EXOC2: variants seen among roughly 807,000 people sequenced by gnomAD.
The protein encoded by EXOC2 is SEC5-like 1.
EXOC2 carries 70 observed loss-of-function variants against 131.8 expected under a neutral mutation model. That is an observed-to-expected ratio of 0.53 (90% CI 0.44 to 0.65). EXOC2 has a LOEUF of 0.65. Ranked by LOEUF, EXOC2 falls within the 30% of genes least tolerant of loss-of-function variation. EXOC2 has a pLI of 0.00. For missense variants in EXOC2, 923 were observed against 1,108.6 expected (o/e 0.83, Z 2.38); for synonymous variants, 411 against 398.4 (o/e 1.03, Z -0.38).
At chr6:690,812 G>C (rs1347226325) in intron 1 of EXOC2, among the ~76,000 whole-genome samples, 1 of 152,178 alleles carries the variant, frequency 6.6e-6, no homozygotes, top group East Asian at 1.9e-4. Flanking sequence ...CATATGATTA[G>C]AAGTCCACAC....
intron 13 of EXOC2, among the ~76,000 whole-genome samples, chr6:572,106 G>A (rs1033334719): frequency 1.3e-5 from 2 of 152,184 alleles, no homozygotes; most frequent in African/African-American, 4.8e-5. Flanking sequence ...ATACTCTATG[G>A]ATGACTTTGT....
chr6:530,383 A>G (rs183178343), intron 23 of EXOC2, among the ~76,000 whole-genome samples: 2 of 152,350 alleles, frequency 1.3e-5, no homozygotes, highest in Admixed American at 6.5e-5. Flanking sequence ...CTATGCTAAA[A>G]ACTCTGAGAA....
At chr6:517,314 G>C (rs1765214726) in intron 23 of EXOC2, among the ~76,000 whole-genome samples, 1 of 151,998 alleles carries the variant, frequency 6.6e-6, no homozygotes, top group Admixed American at 6.6e-5. Context: ...CACCTGAAGA[G>C]ACTCCCACAA....
At chr6:625,518 C>CTTTTTT (rs796295514) in intron 4 of EXOC2, among the ~76,000 whole-genome samples, 283 of 108,018 alleles carry the variant, frequency 2.6e-3, no homozygotes, top group Non-Finnish European at 4.2e-3. Context: ...TGTTTCCGTT[C>CTTTTTT]TTTTTTTTTT....
chr6:532,459 T>C lies in EXOC2; in HGVS notation c.2380+10A>G. On this transcript the variant is annotated intron_variant, in intron 23 of 27. Coordinates refer to ENST00000230449, the MANE Select transcript of EXOC2 (RefSeq NM_018303.6). ...TCCACATCTATTACTCAAGAAACTT[T>C]ATTACTTACCTGTTGGAGGCAGGCA... 6.4e-7 allele frequency: 1 copy of C among 1,562,176 alleles called. No individual in the cohort carries two copies. The highest frequency in any genetic ancestry group is 8.6e-7 in the Non-Finnish European group (1 of 1,161,336).
intron 23 of EXOC2, among the ~76,000 whole-genome samples, chr6:503,596 A>C (rs9504133): frequency 0.02 from 2,970 of 152,296 alleles, 104 homozygotes; most frequent in African/African-American, 0.066. Flanking sequence ...ACTAAACATA[A>C]AAAAATTTAT....
At chr6:512,627 TCTG>T (rs1764919123) in intron 23 of EXOC2, among the ~76,000 whole-genome samples, 1 of 152,110 alleles carries the variant, frequency 6.6e-6, no homozygotes, top group African/African-American at 2.4e-5. Flanking sequence ...CGTACAGGGG[TCTG>T]CTGTATTTAC....
chr6:570,515 T>C (rs1449979757), intron 13 of EXOC2, among the ~76,000 whole-genome samples: 3 of 152,246 alleles, frequency 2.0e-5, no homozygotes, highest in Admixed American at 1.3e-4. Context: ...ATCAGTCTAC[T>C]ATTTTCTAAT....
chr6:672,497 AGC>A (rs1763919567), intron 1 of EXOC2, among the ~76,000 whole-genome samples: 1 of 152,188 alleles, frequency 6.6e-6, no homozygotes, highest in African/African-American at 2.4e-5. Context: ...TTTTGTTCAA[AGC>A]TGGATATGCT....
intron 22 of EXOC2, among the ~76,000 whole-genome samples, chr6:545,329 G>A (rs1756790079): frequency 6.6e-6 from 1 of 152,074 alleles, no homozygotes; most frequent in Admixed American, 6.5e-5. Flanking sequence ...AGCACTCCCT[G>A]GAATTATGTA....
intron 12 of EXOC2, among the ~76,000 whole-genome samples, chr6:575,234 C>G (rs781346205): frequency 7.2e-5 from 11 of 152,174 alleles, no homozygotes; most frequent in Non-Finnish European, 1.5e-4. Context: ...CCTAATGGAA[C>G]ACCATTTACA....
intron 1 of EXOC2, chr6:656,332 T>A (rs1192866406): frequency 2.5e-6 from 4 of 1,614,158 alleles, no homozygotes; most frequent in Non-Finnish European, 3.4e-6. Context: ...CCAAGATTTT[T>A]AAAATAACTT....
chr6:555,548 T>C (rs1757374648), intron 19 of EXOC2, among the ~76,000 whole-genome samples: 2 of 152,300 alleles, frequency 1.3e-5, no homozygotes, highest in South Asian at 4.2e-4. Flanking sequence ...TTTGTAAAGA[T>C]ATATTCCGGA....
At chr6:692,255 C>G (rs1451959663) in intron 1 of EXOC2, among the ~76,000 whole-genome samples, 1 of 152,236 alleles carries the variant, frequency 6.6e-6, no homozygotes, top group Non-Finnish European at 1.5e-5. Context: ...TGACCTTTGG[C>G]AGATTAAAAA....
intron 1 of EXOC2, chr6:656,729 C>G (rs763833864): frequency 6.3e-7 from 1 of 1,593,902 alleles, no homozygotes; most frequent in Admixed American, 1.7e-5. Context: ...CGAGATCTTC[C>G]GAGACACCTT....
intron 7 of EXOC2, among the ~76,000 whole-genome samples, chr6:599,495 T>C (rs1202477895): frequency 6.6e-6 from 1 of 152,250 alleles, no homozygotes; most frequent in African/African-American, 2.4e-5. Context: ...CCTACATTTA[T>C]TTTCATTACA....
At chr6:681,429 T>C (rs1764398262) in intron 1 of EXOC2, among the ~76,000 whole-genome samples, 1 of 152,192 alleles carries the variant, frequency 6.6e-6, no homozygotes, top group South Asian at 2.1e-4. Flanking sequence ...TTCTAATTTG[T>C]AGGTGCAGAT....
At chr6:663,572 C>A (rs1247558758) in intron 1 of EXOC2, among the ~76,000 whole-genome samples, 1 of 152,134 alleles carries the variant, frequency 6.6e-6, no homozygotes, top group African/African-American at 2.4e-5. Flanking sequence ...AGCGACATAT[C>A]AAAAAGATAA....
intron 11 of EXOC2, among the ~76,000 whole-genome samples, chr6:583,517 C>A (rs1759030775): frequency 6.6e-6 from 1 of 152,132 alleles, no homozygotes; most frequent in African/African-American, 2.4e-5. Flanking sequence ...CTTAATCCAA[C>A]TTTTTCTTGT....
Sources: allele counts gnomAD v4.1 joint callset (sites outside exome capture counted in the v4.1 genomes callset), GRCh38; gene constraint gnomAD v4.1.1; transcripts MANE v1.5; gene names NCBI Gene and HGNC (gene_info 2026-07-23, HGNC 2026-07-21).